SESN3: variants seen among roughly 807,000 people sequenced by gnomAD.
SESN3 encodes sestrin-3.
A neutral mutation model predicts 55.3 loss-of-function variants in SESN3; 21 were observed. That is an observed-to-expected ratio of 0.38 (90% CI 0.27 to 0.55). SESN3 has a LOEUF of 0.55. SESN3 is among the 20% of genes least tolerant of loss of function. The pLI is 0.76. For missense variants in SESN3, 408 were observed against 604.3 expected, an observed-to-expected ratio of 0.68 and a Z score of 3.41; for synonymous variants, 181 against 203.1, an observed-to-expected ratio of 0.89 and a Z score of 0.93.
At chr11:95,217,206 A>T (rs1342716968) in intron 1 of SESN3, among the ~76,000 whole-genome samples, 3 of 152,126 alleles carry the variant, frequency 2.0e-5, no homozygotes, top group Non-Finnish European at 4.4e-5. Flanking sequence ...GTGATACTTC[A>T]CAAGATAAAA....
chr11:95,212,996 A>G (rs1340860094), intron 1 of SESN3, among the ~76,000 whole-genome samples: 2 of 152,324 alleles, frequency 1.3e-5, no homozygotes, highest in South Asian at 2.1e-4. Context: ...CTTTTATAAA[A>G]TATGTGTTTA....
At chr11:95,229,382 T>C (rs1861008297) in intron 1 of SESN3, among the ~76,000 whole-genome samples, 1 of 152,114 alleles carries the variant, frequency 6.6e-6, no homozygotes, top group Non-Finnish European at 1.5e-5. Flanking sequence ...TAACTGCACA[T>C]ACTCAACATG....
chr11:95,224,683 G>A (rs1860917347), intron 1 of SESN3, among the ~76,000 whole-genome samples: 1 of 152,154 alleles, frequency 6.6e-6, no homozygotes, highest in African/African-American at 2.4e-5. Context: ...GGCTACTGGT[G>A]ACAGATACAT....
Position 95,230,964 on chromosome 11 carries a change from C to T in SESN3, c.-104G>A, listed in dbSNP as rs1051296224. On this transcript the variant is annotated 5_prime_UTR_variant, in exon 1 of 10. Transcript: ENST00000536441. The surrounding 1 kb of genome is among the most constrained non-coding windows in gnomAD (Gnocchi z 4.6). ...GTCCCCCCGCCGCCAGCCGCGATTC[C>T]GCCTCAGCCTCCTCAAGGCGGGATG... 7.3e-6 allele frequency: 5 copies of T among 687,122 alleles called. No homozygotes were observed. Among genetic ancestry groups the T allele is most frequent in the East Asian group, 3.4e-5 (1 of 29,438 alleles). The allele number at this position is 687,122 out of a possible 1,614,324, so 42.6% of individuals were successfully genotyped here. A position where few individuals can be genotyped will look rare whatever the true frequency, so the allele number is the denominator to read the frequency against.
chr11:95,191,165 T>C (rs576429385), intron 3 of SESN3, among the ~76,000 whole-genome samples: 5 of 152,184 alleles, frequency 3.3e-5, no homozygotes, highest in Non-Finnish European at 7.4e-5. Flanking sequence ...TGTAAGAGAT[T>C]AAATATGAAA....
At chr11:95,196,827 TA>T (rs1370358062) in intron 1 of SESN3, among the ~76,000 whole-genome samples, 1 of 152,216 alleles carries the variant, frequency 6.6e-6, no homozygotes, top group East Asian at 1.9e-4. Context: ...TTTGCTTTTT[TA>T]AAATTGCATT....
chr11:95,224,777 C>T (rs1032185458), intron 1 of SESN3, among the ~76,000 whole-genome samples: 1 of 152,280 alleles, frequency 6.6e-6, no homozygotes, highest in Non-Finnish European at 1.5e-5. Context: ...CTTGAATTTT[C>T]AGGGTCATAC....
Position 95,173,130 on chromosome 11 carries a change from A to C in SESN3, c.*125T>G. ...CAGCCGCAAAAAACAAAAAAAAAAAAACAAACGGCTAAACTTTGACACTAG... is the reference window on the plus strand; with the variant it reads ...CAGCCGCAAAAAACAAAAAAAAAAACACAAACGGCTAAACTTTGACACTAG... On this transcript the variant is annotated 3_prime_UTR_variant, in exon 10 of 10. Coordinates refer to ENST00000536441, the MANE Select transcript of SESN3 (RefSeq NM_144665.4). The C allele has an allele frequency of 3.7e-6, 2 of 547,638 alleles. No homozygotes were observed. Among genetic ancestry groups the C allele is most frequent in the Non-Finnish European group, 6.4e-6 (2 of 311,148 alleles). 33.9% of individuals were successfully genotyped at this position (547,638 alleles called of 1,614,324 possible). A position where few individuals can be genotyped will look rare whatever the true frequency, so the allele number is the denominator to read the frequency against.
rs1859737984 is a variant in SESN3 at position 95,165,910 on chromosome 11, G to A, written c.*7345C>T. ...GCAAACATAAGAAAAACAAAACCTA[G>A]TAATACATACAAAAGCTTTCATGGG... On this transcript the variant is annotated 3_prime_UTR_variant, in exon 10 of 10. Transcript: ENST00000536441. 1 of 152,114 alleles carries A rather than the reference G, an allele frequency of 6.6e-6. No individual in the cohort carries two copies. Among genetic ancestry groups the A allele is most frequent in the African/African-American group, 2.4e-5 (1 of 41,412 alleles). 9.4% of individuals were successfully genotyped at this position (152,114 alleles called of 1,614,324 possible).
rs1860844231 is a variant in SESN3 at position 95,220,803 on chromosome 11, G to C, written c.78+9980C>G. ...CAACCTGGTTGCAAATCCTAAGTCTGTCACTTACTGGTAATATAACCTTTA... is the reference window on the plus strand; with the variant it reads ...CAACCTGGTTGCAAATCCTAAGTCTCTCACTTACTGGTAATATAACCTTTA... On this transcript the variant is annotated intron_variant, in intron 1 of 9. Coordinates refer to ENST00000536441, the MANE Select transcript of SESN3 (RefSeq NM_144665.4). Among the ~76,000 whole-genome samples, 3 of 152,160 alleles carry C rather than the reference G, an allele frequency of 2.0e-5. No homozygotes were observed. The South Asian group carries it at 6.2e-4, about 31-fold the overall frequency.
intron 4 of SESN3, among the ~76,000 whole-genome samples, chr11:95,188,622 CT>C (rs1860210257): frequency 6.6e-6 from 1 of 151,896 alleles, no homozygotes; most frequent in Non-Finnish European, 1.5e-5. Flanking sequence ...TCTATTCTTT[CT>C]TTGAAATGCC....
Position 95,169,222 on chromosome 11 carries a change from G to A in SESN3, c.*4033C>T, listed in dbSNP as rs762485690. 1 of 152,192 alleles carries A rather than the reference G, an allele frequency of 6.6e-6. No homozygotes were observed. The highest frequency in any genetic ancestry group is 1.5e-5 in the Non-Finnish European group (1 of 68,040). 9.4% of individuals were successfully genotyped at this position (152,192 alleles called of 1,614,324 possible). A position where few individuals can be genotyped will look rare whatever the true frequency, so the allele number is the denominator to read the frequency against. Reference sequence around the variant, plus strand: ...ATAAATACATTCATGTTACAGTACTGCTTTGAAGAAAGACTATTTAATTTG... The same window carrying A: ...ATAAATACATTCATGTTACAGTACTACTTTGAAGAAAGACTATTTAATTTG... On this transcript the variant is annotated 3_prime_UTR_variant, in exon 10 of 10. Coordinates refer to ENST00000536441, the MANE Select transcript of SESN3 (RefSeq NM_144665.4).
chr11:95,221,138 A>C (rs1860849793), intron 1 of SESN3, among the ~76,000 whole-genome samples: 1 of 152,116 alleles, frequency 6.6e-6, no homozygotes, highest in African/African-American at 2.4e-5. Context: ...CCCCGTCTCT[A>C]CAAAAAATAT....
At chr11:95,198,189 GA>G (rs1860397441) in intron 1 of SESN3, among the ~76,000 whole-genome samples, 1 of 152,062 alleles carries the variant, frequency 6.6e-6, no homozygotes. Flanking sequence ...CTCATGCCAA[GA>G]AACCTTTCCC....
chr11:95,180,184 AAAT>A (rs2134221193), intron 6 of SESN3, among the ~76,000 whole-genome samples: 1 of 152,320 alleles, frequency 6.6e-6, no homozygotes, highest in African/African-American at 2.4e-5. Context: ...CATATTTCAT[AAAT>A]AATAAATAGT....
chr11:95,183,788 A>G (rs1046510005), intron 6 of SESN3, among the ~76,000 whole-genome samples: 3 of 151,998 alleles, frequency 2.0e-5, no homozygotes, highest in Non-Finnish European at 4.4e-5. Flanking sequence ...GGTGTTCAAT[A>G]TCTTTTTAGT....
chr11:95,184,698 C>CA (rs1860130532), intron 5 of SESN3, 104 bp from the exon 6 acceptor site: 1 of 1,048,062 alleles, frequency 9.5e-7, no homozygotes, highest in Non-Finnish European at 1.4e-6. Context: ...GGAACAGGCA[C>CA]AGTTATGAAG....
At position 95,169,751 on chromosome 11, in the gene SESN3, G is replaced by C. The variant is rs1260746608; in HGVS notation, c.*3504C>G. On this transcript the variant is annotated 3_prime_UTR_variant, in exon 10 of 10. Transcript: ENST00000536441. Reference sequence around the variant, plus strand: ...ATTGTTGATCATTTTATTTTGCTGTGGCACAGAAATCTAAGATTTTGGATT... The same window carrying C: ...ATTGTTGATCATTTTATTTTGCTGTCGCACAGAAATCTAAGATTTTGGATT... The C allele has an allele frequency of 1.3e-5, 2 of 151,900 alleles. No individual in the cohort carries two copies. The highest frequency in any genetic ancestry group is 2.4e-5 in the African/African-American group (1 of 41,334). 9.4% of individuals were successfully genotyped at this position (151,900 alleles called of 1,614,324 possible). A position where few individuals can be genotyped will look rare whatever the true frequency, so the allele number is the denominator to read the frequency against.
intron 1 of SESN3, among the ~76,000 whole-genome samples, chr11:95,217,331 A>C (rs1252247669): frequency 6.6e-6 from 1 of 152,162 alleles, no homozygotes; most frequent in Non-Finnish European, 1.5e-5. Flanking sequence ...ACTCCCTGTC[A>C]AATATAATTT....
Sources: allele counts gnomAD v4.1 joint callset (sites outside exome capture counted in the v4.1 genomes callset), GRCh38; gene constraint gnomAD v4.1.1; non-coding constraint Gnocchi (gnomAD v3.1); transcripts MANE v1.5; gene names NCBI Gene and HGNC (gene_info 2026-07-23, HGNC 2026-07-21).